OC90: variants seen among roughly 807,000 people sequenced by gnomAD.
OC90 encodes otoconin 90.
Under a neutral mutation model 47.3 loss-of-function variants are expected in OC90, and 46 were observed. The ratio of observed to expected loss-of-function variants is 0.97; its 90% CI spans 0.77 to 1.24. The LOEUF is 1.24. OC90 is among the 50% of genes most tolerant of loss of function. The probability of loss-of-function intolerance (pLI) is 0.00; values close to 1 mark genes in which losing one functional copy is unlikely to be tolerated. For missense variants in OC90, 688 were observed against 583.9 expected (o/e 1.18, Z -1.84); for synonymous variants, 271 against 219.5 (o/e 1.23, Z -2.07).
chr8:132,037,240 C>T (rs1339044627), intron 9 of OC90, among the ~76,000 whole-genome samples, 198 bp downstream of exon 9: 1 of 152,204 alleles, frequency 6.6e-6, no homozygotes, highest in Non-Finnish European at 1.5e-5. Flanking sequence ...GAAATGTAAT[C>T]CCCAGTGTTG....
intron 2 of OC90, among the ~76,000 whole-genome samples, chr8:132,046,120 G>A (rs1823130267): frequency 6.6e-6 from 1 of 152,126 alleles, no homozygotes; most frequent in Admixed American, 6.5e-5. Context: ...GTGGCATTCT[G>A]GTTGGGGATG....
chr8:132,058,714 G>A (rs774914980), intron 1 of OC90, among the ~76,000 whole-genome samples: 7 of 152,112 alleles, frequency 4.6e-5, no homozygotes, highest in Non-Finnish European at 8.8e-5. Context: ...CACCATCTCC[G>A]GCACTTGCTC....
intron 12 of OC90, among the ~76,000 whole-genome samples, chr8:132,029,470 G>A (rs1563728151): frequency 6.6e-6 from 1 of 152,274 alleles, no homozygotes; most frequent in South Asian, 2.1e-4. Context: ...GCAAAGATAG[G>A]TTATTTACAT....
chr8:132,028,563 AAAGGAAGGAAGG>A (rs869234363), intron 13 of OC90, among the ~76,000 whole-genome samples: 6 of 31,382 alleles, frequency 1.9e-4, no homozygotes, highest in Admixed American at 4.7e-4. Context: ...AGAAAGAAAG[AAAGGAAGGAAGG>A]AAGGAAGGAA....
At chr8:132,046,476 C>A (rs1823134966) in intron 2 of OC90, among the ~76,000 whole-genome samples, 2 of 152,146 alleles carry the variant, frequency 1.3e-5, no homozygotes, top group Non-Finnish European at 2.9e-5. Flanking sequence ...AGAAATGTTA[C>A]TTAATGGTGT....
At chr8:132,037,983 C>T (rs1028451129) in intron 8 of OC90, among the ~76,000 whole-genome samples, 3 of 152,214 alleles carry the variant, frequency 2.0e-5, no homozygotes, top group Non-Finnish European at 4.4e-5. Flanking sequence ...TGCATGCACA[C>T]ATACACCTGC....
At position 132,055,002 on chromosome 8, in the gene OC90, CACTGGTGAGGAG is replaced by C. The variant is rs1823262795; in HGVS notation, c.13_24del (p.Leu5_Ser8del). 6.4e-7 allele frequency: 1 copy of C among 1,550,980 alleles called. No homozygotes were observed. The highest frequency in any genetic ancestry group is 1.4e-5 in the African/African-American group (1 of 73,088). ...TCACCGGCATGGGGGATCATCAGCA[CACTGGTGAGGAG>C]AAACGCAATCATAGCAGGAGAACAA... On this transcript the variant is annotated inframe_deletion, in exon 2 of 14. Coordinates refer to ENST00000254627, the MANE Select transcript of OC90 (RefSeq NM_001080399.3).
chr8:132,027,432 G>A (rs1299472342), intron 13 of OC90, among the ~76,000 whole-genome samples: 2 of 152,232 alleles, frequency 1.3e-5, no homozygotes, highest in Non-Finnish European at 2.9e-5. Flanking sequence ...CATGCACTGT[G>A]CTGAGGTTGT....
At chr8:132,043,185 C>A (rs1454095739) in intron 4 of OC90, among the ~76,000 whole-genome samples, 1 of 152,180 alleles carries the variant, frequency 6.6e-6, no homozygotes, top group Non-Finnish European at 1.5e-5. Flanking sequence ...TTTTGAGCAT[C>A]CTTTAGGTGT....
At chr8:132,044,529 TC>T in intron 3 of OC90, 40 bp from the exon 4 acceptor site, 1 of 1,184,986 alleles carries the variant, frequency 8.4e-7, no homozygotes, top group Non-Finnish European at 1.2e-6. Context: ...TCTTGGTTTT[TC>T]CTTTTTTTCA....
At chr8:132,037,327 G>C (rs1822983439) in intron 9 of OC90, 111 bp downstream of exon 9, 4 of 882,174 alleles carry the variant, frequency 4.5e-6, no homozygotes, top group Admixed American at 2.0e-5. Context: ...TCCCTTCGGT[G>C]CTGTTCTTGT....
rs576009251 is a variant in OC90, at chr8:132,031,978, G to T, written c.934C>A (p.Leu312Ile). The change falls in exon 12 of 14, where the codon CTC (leucine) becomes ATC (isoleucine). Residue 312 changes from leucine (L) to isoleucine (I), a missense_variant. By Grantham distance (5) the Leu-to-Ile change is conservative (BLOSUM62 2). Coordinates refer to ENST00000254627, the MANE Select transcript of OC90 (RefSeq NM_001080399.3). ...GGGCACCGGGATGTCAGACAAAAGA[G>T]CATCTCTCCAAGCTGTGGCATCACC... ...MQVMPQLGEM[L>I]FCLTSRCPEE... is the part of the protein sequence containing the mutation. 6.2e-7 allele frequency: 1 copy of T among 1,613,862 alleles called. No individual in the cohort carries two copies. Among genetic ancestry groups the T allele is most frequent in the Non-Finnish European group, 8.5e-7 (1 of 1,179,836 alleles).
At position 132,033,190 on chromosome 8, in the gene OC90, G is replaced by A. The variant is rs533710525; in HGVS notation, c.734-26C>T. 2.0e-5 allele frequency: 32 copies of A among 1,595,766 alleles called. 1 individual carries two copies. The highest frequency in any genetic ancestry group is 1.4e-4 in the South Asian group (12 of 87,922). ...CTGAAAATGAAAAACTTCATGATTC[G>A]GATTCAAAAAGTGGCTCAAGGAGAG... is the stretch of plus-strand genomic sequence containing the variant. On this transcript the variant is annotated intron_variant, in intron 10 of 13. Coordinates refer to ENST00000254627, the MANE Select transcript of OC90 (RefSeq NM_001080399.3).
In OC90 at chr8:132,057,924, T is replaced by A. The variant is rs144987763; in HGVS notation, c.-48+1417A>T. ...CAATGACCAGACCCAGGTGGGCCAG[T>A]CTGACTTGTTCTGGCTCCAATACCC... On this transcript the variant is annotated intron_variant, in intron 1 of 13. Coordinates refer to ENST00000254627, the MANE Select transcript of OC90 (RefSeq NM_001080399.3). Among the ~76,000 whole-genome samples, 264 of 152,362 alleles carry A rather than the reference T, an allele frequency of 1.7e-3. 1 individual carries two copies. Among genetic ancestry groups the A allele is most frequent in the African/African-American group, 6.1e-3 (254 of 41,590 alleles).
At chr8:132,058,285 C>T (rs1009738742) in intron 1 of OC90, among the ~76,000 whole-genome samples, 7 of 152,144 alleles carry the variant, frequency 4.6e-5, no homozygotes, top group African/African-American at 1.2e-4. Flanking sequence ...CCAAGTCAGG[C>T]GCCCTTGGCT....
intron 1 of OC90, among the ~76,000 whole-genome samples, chr8:132,055,590 G>T (rs10093129): frequency 1.3e-5 from 2 of 152,132 alleles, no homozygotes; most frequent in Non-Finnish European, 2.9e-5. Context: ...ACCTTTCAAC[G>T]ATCACTTGAC....
Position 132,049,049 on chromosome 8 carries a change from G to A in OC90, c.47-3166C>T, listed in dbSNP as rs545912969. ...AATTCCATGGTGAAACAATGAGGTTGACGATGAAGGTAATGTCCAACAATG... is the reference window on the plus strand; with the variant it reads ...AATTCCATGGTGAAACAATGAGGTTAACGATGAAGGTAATGTCCAACAATG... On this transcript the variant is annotated intron_variant, in intron 2 of 13. Coordinates refer to ENST00000254627, the MANE Select transcript of OC90 (RefSeq NM_001080399.3). 5.9e-4 allele frequency among the ~76,000 whole-genome samples: 89 copies of A among 151,744 alleles called. 3 individuals carry two copies. The highest frequency in any genetic ancestry group is 2.0e-3 in the African/African-American group (80 of 41,008).
intron 3 of OC90, among the ~76,000 whole-genome samples, chr8:132,045,003 C>T (rs554849619): frequency 1.3e-5 from 2 of 150,822 alleles, no homozygotes; most frequent in East Asian, 2.0e-4. Context: ...TGTAGATTGC[C>T]GTGAGGGCTA....
Position 132,038,845 on chromosome 8 carries a change from A to G in OC90, c.587-14T>C. 1 of 1,613,802 alleles carries G rather than the reference A, an allele frequency of 6.2e-7. No individual in the cohort carries two copies. The highest frequency in any genetic ancestry group is 8.5e-7 in the Non-Finnish European group (1 of 1,179,754). ...TGATGGTTGTCTCTGAAAAGAAAAC[A>G]CTTTGGAAAGTCTGTTGAGAGCAGT... On this transcript the variant is annotated splice_polypyrimidine_tract_variant and intron_variant, in intron 7 of 13. Transcript: ENST00000254627.
Sources: gnomAD v4.1 joint callset for allele counts (sites outside exome capture counted in the v4.1 genomes callset) on GRCh38, gnomAD v4.1.1 for gene constraint, MANE v1.5 for transcripts, NCBI Gene and HGNC (gene_info 2026-07-23, HGNC 2026-07-21) for gene names.